The following GTF2IRD1 variants were observed in gnomAD, a reference collection of about 807,000 sequenced individuals.
GTF2IRD1 encodes GTF2I repeat domain containing 1.
GTF2IRD1 carries 26 observed loss-of-function variants against 113.2 expected under a neutral mutation model. That is an observed-to-expected ratio of 0.23 (90% confidence interval 0.17 to 0.32). The LOEUF (loss-of-function observed/expected upper bound fraction) is 0.32. GTF2IRD1 is among the 10% of genes least tolerant of loss of function. GTF2IRD1 has a pLI of 1.00. For synonymous variants in GTF2IRD1, 484 were observed against 529.1 expected, an observed-to-expected ratio of 0.91 and a Z score of 1.17; for missense variants, 864 against 1,280.8, an observed-to-expected ratio of 0.67 and a Z score of 4.97.
At chr7:74,552,208 G>A (rs1251151217) in intron 17 of GTF2IRD1, among the ~76,000 whole-genome samples, 1 of 151,974 alleles carries the variant, frequency 6.6e-6, no homozygotes, top group Non-Finnish European at 1.5e-5. Context: ...AACATGGTGA[G>A]ACCCTATCTC....
chr7:74,496,037 T>C (rs1795642611), intron 1 of GTF2IRD1, among the ~76,000 whole-genome samples: 1 of 147,074 alleles, frequency 6.8e-6, no homozygotes. Context: ...TGAGTGAGTG[T>C]GCATGTGTGC....
At chr7:74,513,006 C>G in intron 3 of GTF2IRD1, 35 bp downstream of exon 3, 1 of 1,605,810 alleles carries the variant, frequency 6.2e-7, no homozygotes, top group Non-Finnish European at 8.5e-7. Flanking sequence ...GCCGGGCCCG[C>G]CATTTCCCGA....
At chr7:74,475,536 C>T (rs1220546434) in intron 1 of GTF2IRD1, among the ~76,000 whole-genome samples, 1 of 152,132 alleles carries the variant, frequency 6.6e-6, no homozygotes, top group African/African-American at 2.4e-5. Flanking sequence ...TGTTGCTGTA[C>T]CCTAGGGAGG....
At chr7:74,476,346 T>A (rs1794403802) in intron 1 of GTF2IRD1, among the ~76,000 whole-genome samples, 1 of 149,194 alleles carries the variant, frequency 6.7e-6, no homozygotes, top group South Asian at 2.1e-4. Flanking sequence ...CCACGCCCGC[T>A]TGGAAGCCTT....
At chr7:74,581,113 G>A (rs1261918724) in intron 22 of GTF2IRD1, among the ~76,000 whole-genome samples, 2 of 152,032 alleles carry the variant, frequency 1.3e-5, no homozygotes, top group East Asian at 1.9e-4. Context: ...TCCGCCTCCC[G>A]GGTTCAAGTG....
At chr7:74,583,458 C>T (rs587728837) in intron 22 of GTF2IRD1, among the ~76,000 whole-genome samples, 20 of 145,912 alleles carry the variant, frequency 1.4e-4, no homozygotes, top group Middle Eastern at 3.7e-3. Context: ...TCCCAAATTG[C>T]TGGGATTACA....
intron 5 of GTF2IRD1, 73 bp from the exon 6 acceptor site, chr7:74,519,336 G>T: frequency 9.3e-7 from 1 of 1,071,458 alleles, no homozygotes. Flanking sequence ...AGGGATGCGG[G>T]GTTTTCGGGG....
chr7:74,455,830 G>A (rs1792936613), intron 1 of GTF2IRD1, among the ~76,000 whole-genome samples: 1 of 152,098 alleles, frequency 6.6e-6, no homozygotes, highest in South Asian at 2.1e-4. Flanking sequence ...TAACTCAGAG[G>A]GTCCCACAGG....
intron 1 of GTF2IRD1, among the ~76,000 whole-genome samples, chr7:74,462,467 C>G (rs943017600): frequency 6.6e-6 from 1 of 152,202 alleles, no homozygotes; most frequent in African/African-American, 2.4e-5. Context: ...TGGCTTCACA[C>G]AGCATAATGC....
chr7:74,564,257 C>T (rs1418639251), intron 22 of GTF2IRD1, among the ~76,000 whole-genome samples: 2 of 152,154 alleles, frequency 1.3e-5, no homozygotes, highest in Non-Finnish European at 2.9e-5. Context: ...AAACTTCTGA[C>T]CTCAGGTGAT....
intron 1 of GTF2IRD1, among the ~76,000 whole-genome samples, chr7:74,456,609 G>C (rs1237885701): frequency 6.6e-6 from 1 of 152,052 alleles, no homozygotes; most frequent in Non-Finnish European, 1.5e-5. Flanking sequence ...CTTGAACCCG[G>C]GAGGTGGAGG....
Position 74,555,733 on chromosome 7 carries a change from GC to G in GTF2IRD1, c.2023+244del, listed in dbSNP as rs1554356641. On this transcript the variant is annotated intron_variant, in intron 19 of 26. Transcript: ENST00000424337. This position sits in a 1 kb window ranked among gnomAD's most constrained non-coding sequence, Gnocchi z 5.3. ...GTCGGGGGAGCCCAGGAGCCTGCCT[GC>G]CCCCTCCCTGCCCCACCCCCCAGAG... 6.6e-6 allele frequency among the ~76,000 whole-genome samples: 1 copy of G among 152,000 alleles called. No homozygotes were observed. Among genetic ancestry groups the G allele is most frequent in the African/African-American group, 2.4e-5 (1 of 41,386 alleles).
Position 74,538,665 on chromosome 7 carries a change from C to CT in GTF2IRD1, c.1448-12dup, listed in dbSNP as rs1798448648. 6.6e-7 allele frequency: 1 copy of CT among 1,506,342 alleles called. No individual in the cohort carries two copies. The highest frequency in any genetic ancestry group is 1.4e-5 in the African/African-American group (1 of 72,696). The allele number at this position is 1,506,342 out of a possible 1,614,324, so 93.3% of individuals were successfully genotyped here. Reference sequence around the variant, plus strand: ...CATGCCAGACTTGACAGGATTCTTCCTTTCCTCCTTGCAGGAACCTCCGGG... The same window carrying CT: ...CATGCCAGACTTGACAGGATTCTTCCTTTTCCTCCTTGCAGGAACCTCCGGG... On this transcript the variant is annotated splice_polypyrimidine_tract_variant and intron_variant, in intron 12 of 26. Transcript: ENST00000424337.
In GTF2IRD1 at chr7:74,558,950, C is replaced by T; in HGVS notation, c.2197C>T (p.Pro733Ser). 6.2e-7 allele frequency: 1 copy of T among 1,614,106 alleles called. No individual in the cohort carries two copies. The highest frequency in any genetic ancestry group is 1.1e-5 in the South Asian group (1 of 91,078). ...CTCCGTGATCATCGAGGGGCTGCCCCCAGGAATCCCGTTCCGAAAGCCCTG... is the reference window on the plus strand; with the variant it reads ...CTCCGTGATCATCGAGGGGCTGCCCTCAGGAATCCCGTTCCGAAAGCCCTG... ...PGSVIIEGLPPGIPFRKPCTF... is the reference protein window; with the variant it reads ...PGSVIIEGLPSGIPFRKPCTF... Residue 733 changes from proline (P) to serine (S), a missense_variant, in exon 21 of 27, where the codon CCA becomes TCA. Pro to Ser is a moderately conservative substitution (Grantham distance 74). Transcript: ENST00000424337.
chr7:74,547,439 C>CTT (rs782144976), intron 17 of GTF2IRD1, among the ~76,000 whole-genome samples, 153 bp downstream of exon 17: 3,488 of 111,096 alleles, frequency 0.031, 284 homozygotes, highest in African/African-American at 0.1. Context: ...CATGCCCAGC[C>CTT]TTTTTTTTTT....
At chr7:74,590,604 G>A (rs1177909120) in intron 23 of GTF2IRD1, among the ~76,000 whole-genome samples, 2 of 150,608 alleles carry the variant, frequency 1.3e-5, no homozygotes, top group East Asian at 2.0e-4. Context: ...AGTTAGCCAC[G>A]ATGGTCTCGA....
At chr7:74,467,785 C>A (rs782016472) in intron 1 of GTF2IRD1, among the ~76,000 whole-genome samples, 5 of 152,158 alleles carry the variant, frequency 3.3e-5, no homozygotes, top group Non-Finnish European at 5.9e-5. Flanking sequence ...CCTCTGACTC[C>A]TGGTTTCAAG....
Position 74,589,870 on chromosome 7 carries a change from A to T in GTF2IRD1, c.2340A>T (p.Arg780Ser), listed in dbSNP as rs782695336. ...TTGTAGATGAAGATGACGCCAACAG[A>T]CTCGGGGAGAAGGTGATCCTGCGGG... ...IPKPDEDDAN[R>S]LGEKVILREQ... Residue 780 changes from arginine (R) to serine (S), a missense_variant, in exon 23 of 27, where the codon AGA becomes AGT. By Grantham distance (110) the Arg-to-Ser change is moderately radical (BLOSUM62 -1). Coordinates refer to ENST00000424337, the MANE Select transcript of GTF2IRD1 (RefSeq NM_005685.4). 15 of 1,611,698 alleles carry T rather than the reference A, an allele frequency of 9.3e-6. No homozygotes were observed. The highest frequency in any genetic ancestry group is 1.2e-5 in the Non-Finnish European group (14 of 1,177,976).
intron 22 of GTF2IRD1, among the ~76,000 whole-genome samples, chr7:74,568,922 A>G (rs1800513024): frequency 6.6e-6 from 1 of 152,158 alleles, no homozygotes; most frequent in African/African-American, 2.4e-5. Flanking sequence ...GACTGGCCAG[A>G]GGGAGGAGAA....
Sources: gnomAD v4.1 joint callset for allele counts (sites outside exome capture counted in the v4.1 genomes callset) on GRCh38, gnomAD v4.1.1 for gene constraint, Gnocchi (gnomAD v3.1) non-coding constraint, MANE v1.5 for transcripts, NCBI Gene and HGNC (gene_info 2026-07-23, HGNC 2026-07-21) for gene names.